Variants in FAM171A1 observed in about 807,000 individuals in gnomAD.
FAM171A1 encodes the protein protein FAM171A1.
A neutral mutation model predicts 74.9 loss-of-function variants in FAM171A1; 23 were observed. That is an observed-to-expected ratio of 0.31 (90% CI 0.22 to 0.44). The LOEUF (loss-of-function observed/expected upper bound fraction) is 0.44, where lower values mean the gene tolerates loss of function less well. Among genes scored for constraint, FAM171A1 ranks in the 20% least tolerant of loss-of-function variants. The pLI is 1.00. For synonymous variants in FAM171A1, 527 were observed against 505.7 expected (o/e 1.04, Z -0.57); for missense variants, 1,162 against 1,159.2 (o/e 1.00, Z -0.03).
At chr10:15,269,502 G>A (rs1427125025) in intron 3 of FAM171A1, among the ~76,000 whole-genome samples, 1 of 152,098 alleles carries the variant, frequency 6.6e-6, no homozygotes, top group Non-Finnish European at 1.5e-5. Flanking sequence ...CCCATATCAA[G>A]GAAAGCACAG....
At chr10:15,367,912 TCAAAAACACATCC>T (rs1377185213) in intron 1 of FAM171A1, among the ~76,000 whole-genome samples, 1 of 152,172 alleles carries the variant, frequency 6.6e-6, no homozygotes, top group Non-Finnish European at 1.5e-5. Flanking sequence ...GTGCTGGGCT[TCAAAAACACATCC>T]CTAAAGAGTA....
intron 5 of FAM171A1, among the ~76,000 whole-genome samples, chr10:15,227,876 A>G (rs1174106460): frequency 6.6e-6 from 1 of 152,236 alleles, no homozygotes; most frequent in African/African-American, 2.4e-5. Context: ...ATTATTACAC[A>G]TAACAACTGA....
chr10:15,369,022 T>A (rs561399722), intron 1 of FAM171A1, among the ~76,000 whole-genome samples: 21 of 152,200 alleles, frequency 1.4e-4, no homozygotes, highest in African/African-American at 4.1e-4. Context: ...GGGTAAACTA[T>A]GCCAAGATAC....
At chr10:15,223,205 G>A (rs1011391765) in intron 5 of FAM171A1, among the ~76,000 whole-genome samples, 2 of 152,152 alleles carry the variant, frequency 1.3e-5, no homozygotes, top group Non-Finnish European at 2.9e-5. Context: ...GTAAGAAAAA[G>A]GTTTTCTCTG....
chr10:15,337,170 C>A (rs896979378), intron 1 of FAM171A1, among the ~76,000 whole-genome samples: 1 of 151,982 alleles, frequency 6.6e-6, no homozygotes, highest in African/African-American at 2.4e-5. Flanking sequence ...TGTGAGCCAC[C>A]GAACCTGGCT....
chr10:15,330,697 T>A (rs1835617303), intron 1 of FAM171A1, among the ~76,000 whole-genome samples: 2 of 138,690 alleles, frequency 1.4e-5, no homozygotes, highest in Admixed American at 8.2e-5. Flanking sequence ...CTGAAGCATA[T>A]TTTTTTCTTC....
intron 2 of FAM171A1, among the ~76,000 whole-genome samples, chr10:15,283,015 C>A (rs17156509): frequency 0.14 from 21,184 of 152,248 alleles, 2,021 homozygotes; most frequent in African/African-American, 0.26. Flanking sequence ...GGTGTCCCAG[C>A]AGCAATTTGA....
At chr10:15,368,456 G>C (rs1459498117) in intron 1 of FAM171A1, among the ~76,000 whole-genome samples, 1 of 152,204 alleles carries the variant, frequency 6.6e-6, no homozygotes, top group Non-Finnish European at 1.5e-5. Context: ...GCCAAATCCT[G>C]TTGGTGCATA....
chr10:15,361,036 G>C (rs1207711171), intron 1 of FAM171A1, among the ~76,000 whole-genome samples: 1 of 152,098 alleles, frequency 6.6e-6, no homozygotes, highest in Non-Finnish European at 1.5e-5. Context: ...CCTAACTTTT[G>C]CAAGCCCTCG....
At chr10:15,252,018 T>C (rs1164692233) in intron 4 of FAM171A1, among the ~76,000 whole-genome samples, 2 of 152,176 alleles carry the variant, frequency 1.3e-5, no homozygotes, top group Non-Finnish European at 2.9e-5. Context: ...TAAGGTTCTG[T>C]TGGGCTCTGT....
intron 5 of FAM171A1, among the ~76,000 whole-genome samples, chr10:15,234,887 C>T (rs1452473699): frequency 6.6e-6 from 1 of 152,086 alleles, no homozygotes; most frequent in Non-Finnish European, 1.5e-5. Context: ...TGGTCTCGAT[C>T]TCCTGACCTC....
At chr10:15,263,167 T>C (rs1834683973) in intron 3 of FAM171A1, among the ~76,000 whole-genome samples, 1 of 152,186 alleles carries the variant, frequency 6.6e-6, no homozygotes, top group Admixed American at 6.5e-5. Flanking sequence ...GCATCTTGTC[T>C]GTATCTTCTT....
At chr10:15,347,286 AG>A (rs1035067162) in intron 1 of FAM171A1, among the ~76,000 whole-genome samples, 6 of 152,282 alleles carry the variant, frequency 3.9e-5, no homozygotes, top group African/African-American at 1.4e-4. Flanking sequence ...AAAGCATAAA[AG>A]GGTGGTTCAA....
rs537724828 is a variant in FAM171A1 at position 15,359,493 on chromosome 10, G to A, written c.97+11463C>T. On this transcript the variant is annotated intron_variant, in intron 1 of 7. Coordinates refer to ENST00000378116, the MANE Select transcript of FAM171A1 (RefSeq NM_001010924.2). ...TCAAGGGCAGAGAAATGGGCCTCCC[G>A]GTACCCTCTGGCCATTGGACAGAGG... Among the ~76,000 whole-genome samples, 10 of 152,190 alleles carry A rather than the reference G, an allele frequency of 6.6e-5. 1 individual carries two copies. The South Asian group carries it at 1.5e-3, about 22-fold the overall frequency.
intron 1 of FAM171A1, among the ~76,000 whole-genome samples, chr10:15,361,036 G>A (rs1207711171): frequency 3.3e-5 from 5 of 152,098 alleles, no homozygotes; most frequent in African/African-American, 4.8e-5. Context: ...CCTAACTTTT[G>A]CAAGCCCTCG....
intron 5 of FAM171A1, among the ~76,000 whole-genome samples, chr10:15,235,524 A>G (rs1834276991): frequency 6.6e-6 from 1 of 152,128 alleles, no homozygotes; most frequent in Admixed American, 6.6e-5. Context: ...ACTGAACTGT[A>G]AAACTTCCCA....
intron 1 of FAM171A1, among the ~76,000 whole-genome samples, chr10:15,318,515 G>A (rs1438184656): frequency 6.6e-6 from 1 of 152,182 alleles, no homozygotes; most frequent in Non-Finnish European, 1.5e-5. Flanking sequence ...TGTCCTCTAA[G>A]ATGCTCCCTT....
rs1213354898 is a variant in FAM171A1 at position 15,248,786 on chromosome 10, C to A, written c.607G>T (p.Val203Phe). ...AGCAAGTGGACGCTGACGGCTGTGA[C>A]TGGGGTCAGGTCATGCCTGGTGCTG... ...GNSTRHDLTP[V>F]TAVSVHLLSS... is the part of the protein sequence containing the mutation. Residue 203 changes from valine to phenylalanine, a missense_variant, in exon 5 of 8, where the codon GTC (valine) becomes TTC (phenylalanine). Physicochemically the swap from Val to Phe is conservative, Grantham distance 50. Transcript: ENST00000378116. The A allele has an allele frequency of 1.2e-6, 2 of 1,612,760 alleles. No individual in the cohort carries two copies. The highest frequency in any genetic ancestry group is 1.7e-6 in the Non-Finnish European group (2 of 1,179,372).
intron 1 of FAM171A1, among the ~76,000 whole-genome samples, chr10:15,369,232 ATT>A (rs1491091465): frequency 2.7e-5 from 4 of 150,400 alleles, no homozygotes; most frequent in African/African-American, 7.3e-5. Context: ...ATATATATAT[ATT>A]GAAGACATGC....
Sources: gnomAD v4.1 joint callset for allele counts (sites outside exome capture counted in the v4.1 genomes callset) on GRCh38, gnomAD v4.1.1 for gene constraint, MANE v1.5 for transcripts, NCBI Gene and HGNC (gene_info 2026-07-23, HGNC 2026-07-21) for gene names.